The following GMFG variants were observed in gnomAD, a reference collection of about 807,000 sequenced individuals.
The protein encoded by GMFG is glia maturation factor gamma.
Under a neutral mutation model 26.1 loss-of-function variants are expected in GMFG, and 21 were observed. That is an observed-to-expected ratio of 0.80 (90% confidence interval 0.57 to 1.16). The LOEUF (loss-of-function observed/expected upper bound fraction) is 1.16. GMFG is among the 50% of genes most tolerant of loss of function. GMFG has a pLI of 0.00. For missense variants in GMFG, 161 were observed against 178.3 expected, an observed-to-expected ratio of 0.90 and a Z score of 0.55; for synonymous variants, 65 against 60.8, an observed-to-expected ratio of 1.07 and a Z score of -0.32.
intron 3 of GMFG, 73 bp downstream of exon 3, chr19:39,335,188 A>G (rs1384670848): frequency 8.4e-7 from 1 of 1,185,752 alleles, no homozygotes; most frequent in Non-Finnish European, 1.2e-6. Context: ...CAGGCTCTTC[A>G]TATCAGTTCC....
At chr19:39,330,595 ATT>A (rs568367051) in intron 4 of GMFG, among the ~76,000 whole-genome samples, 96 of 131,336 alleles carry the variant, frequency 7.3e-4, no homozygotes, top group African/African-American at 6.9e-4. Context: ...TGCCCAGCTA[ATT>A]TTTTTTTTTT....
intron 4 of GMFG, among the ~76,000 whole-genome samples, chr19:39,330,974 G>A (rs1220109767): frequency 1.3e-5 from 2 of 152,102 alleles, no homozygotes; most frequent in Non-Finnish European, 2.9e-5. Context: ...CTGGCCACAA[G>A]CAGTACTCCC....
At chr19:39,330,359 A>G (rs1392557954) in intron 4 of GMFG, among the ~76,000 whole-genome samples, 1 of 152,176 alleles carries the variant, frequency 6.6e-6, no homozygotes, top group African/African-American at 2.4e-5. Context: ...AATGTGGGGC[A>G]TCTTGTTCAA....
In GMFG at chr19:39,329,638, G is replaced by A. The variant is rs766828327; in HGVS notation, c.201-12C>T. On this transcript the variant is annotated splice_polypyrimidine_tract_variant and intron_variant, in intron 4 of 6. Transcript: ENST00000597595. ...TGTAAACCACGAACCTACCGTGAAA[G>A]GGAATTGAAAATCAGGACTCTGGCC... The A allele has an allele frequency of 1.7e-5, 26 of 1,569,282 alleles. No individual in the cohort carries two copies. The South Asian group carries it at 2.7e-4, about 16-fold the overall frequency.
rs568393664 is a variant in GMFG at position 39,328,881 on chromosome 19, AAAAAACAAAAAC to A, written c.357+107_357+118del. 3.1e-5 allele frequency: 25 copies of A among 818,488 alleles called. 1 individual carries two copies. In the South Asian group the frequency reaches 3.1e-4, roughly 10 times the overall value. 50.7% of individuals were successfully genotyped at this position (818,488 alleles called of 1,614,324 possible). On this transcript the variant is annotated intron_variant, in intron 6 of 6. Coordinates refer to ENST00000597595, the MANE Select transcript of GMFG (RefSeq NM_004877.4). Reference sequence around the variant, plus strand: ...TGACAGAGCGAGACCCAGTTCTTTAAAAAAACAAAAACAAAAACAAAAACCACTGAGACAGTG... The same window carrying A: ...TGACAGAGCGAGACCCAGTTCTTTAAAAAAACAAAAACCACTGAGACAGTG...
chr19:39,334,142 G>A (rs1007091939), intron 3 of GMFG, among the ~76,000 whole-genome samples: 5 of 147,926 alleles, frequency 3.4e-5, no homozygotes, highest in African/African-American at 9.9e-5. Context: ...TCAGCCTCCC[G>A]AGTAGCTGGG....
intron 5 of GMFG, 64 bp from the exon 6 acceptor site, chr19:39,329,137 T>A: frequency 8.6e-7 from 1 of 1,159,502 alleles, no homozygotes; most frequent in Non-Finnish European, 1.3e-6. Context: ...AAAGCTCTAG[T>A]AATGTCCTGA....
At chr19:39,331,386 T>C (rs146412455) in intron 4 of GMFG, among the ~76,000 whole-genome samples, 17 of 152,262 alleles carry the variant, frequency 1.1e-4, no homozygotes, top group Admixed American at 6.5e-4. Flanking sequence ...TTAACCCCCA[T>C]GTGTGAGGCC....
chr19:39,329,452 A>T, intron 5 of GMFG, 92 bp downstream of exon 5: 1 of 762,830 alleles, frequency 1.3e-6, no homozygotes, highest in Non-Finnish European at 2.3e-6. Flanking sequence ...TCACACTCTT[A>T]CACAAGTGCC....
chr19:39,335,325 C>T lies in GMFG; in HGVS notation c.101-15G>A, dbSNP rs1395450851. The T allele has an allele frequency of 1.3e-6, 2 of 1,584,460 alleles. No homozygotes were observed. Among genetic ancestry groups the T allele is most frequent in the South Asian group, 1.2e-5 (1 of 85,910 alleles). On this transcript the variant is annotated splice_polypyrimidine_tract_variant and intron_variant, in intron 2 of 6. Coordinates refer to ENST00000597595, the MANE Select transcript of GMFG (RefSeq NM_004877.4). ...GTCCACCTTCACTGGGGAGGGGTGG[C>T]ACACAGGGATTAGACACTCCCCCTG...
Position 39,336,033 on chromosome 19 carries a change from G to A in GMFG, c.-57C>T. The A allele has an allele frequency of 3.4e-6, 5 of 1,489,058 alleles. No individual in the cohort carries two copies. The highest frequency in any genetic ancestry group is 1.1e-5 in the South Asian group (1 of 88,274). 92.2% of individuals were successfully genotyped at this position (1,489,058 alleles called of 1,614,324 possible). On this transcript the variant is annotated 5_prime_UTR_variant, in exon 1 of 7. Coordinates refer to ENST00000597595, the MANE Select transcript of GMFG (RefSeq NM_004877.4). ...TAGTTCCGCTGTCTTCTAGGCGTGG[G>A]GACCGGGGCTGTAGGGGGGCGGGCT...
chr19:39,329,557 G>A lies in GMFG; in HGVS notation c.270C>T (p.Phe90=). ...GRVSYPLCFI[F]SSPVGCKPEQ... ...GCTGTGTCTCACCCACAGGGCTGGAGAAGATGAAACACAAAGGGTAGGACA... is the reference window on the plus strand; with the variant it reads ...GCTGTGTCTCACCCACAGGGCTGGAAAAGATGAAACACAAAGGGTAGGACA... Residue 90 remains phenylalanine, a synonymous_variant, in exon 5 of 7, where the codon TTC becomes TTT. Coordinates refer to ENST00000597595, the MANE Select transcript of GMFG (RefSeq NM_004877.4). The A allele has an allele frequency of 1.2e-6, 2 of 1,600,338 alleles. No individual in the cohort carries two copies. The highest frequency in any genetic ancestry group is 1.7e-6 in the Non-Finnish European group (2 of 1,167,576).
intron 3 of GMFG, among the ~76,000 whole-genome samples, chr19:39,333,356 G>C (rs1298773359): frequency 6.6e-6 from 1 of 152,138 alleles, no homozygotes; most frequent in Non-Finnish European, 1.5e-5. Context: ...TGAGGCAGGA[G>C]AATTGCTTGA....
At chr19:39,335,176 G>A in intron 3 of GMFG, 85 bp downstream of exon 3, 1 of 1,064,862 alleles carries the variant, frequency 9.4e-7, no homozygotes, top group Admixed American at 2.4e-5. Context: ...CTACCCCCAT[G>A]CCAGGCTCTT....
At chr19:39,329,207 T>C (rs1568332711) in intron 5 of GMFG, 134 bp from the exon 6 acceptor site, 1 of 633,772 alleles carries the variant, frequency 1.6e-6, no homozygotes, top group Non-Finnish European at 2.8e-6. Flanking sequence ...TGCACTGTAC[T>C]CAGTTTCTAG....
intron 3 of GMFG, among the ~76,000 whole-genome samples, chr19:39,334,047 G>C (rs194015): frequency 8.8e-6 from 1 of 113,086 alleles, no homozygotes; most frequent in Non-Finnish European, 1.7e-5. Context: ...TTTTGAGACA[G>C]AGTCTGTCGC....
chr19:39,333,581 CAAAAAAAAAAA>C (rs750367671), intron 3 of GMFG, among the ~76,000 whole-genome samples: 1 of 47,322 alleles, frequency 2.1e-5, no homozygotes, highest in Non-Finnish European at 4.8e-5. Context: ...AACTCCGTCT[CAAAAAAAAAAA>C]AAAAAAAAAG....
At chr19:39,335,393 C>A (rs1436513464) in intron 2 of GMFG, 42 bp downstream of exon 2, 8 of 1,584,200 alleles carry the variant, frequency 5.0e-6, no homozygotes, top group South Asian at 2.2e-5. Context: ...TCTGCCCTCA[C>A]CACCGCCCTC....
rs2075217839 is a variant in GMFG at position 39,329,551 on chromosome 19, G to A, written c.276C>T (p.Ser92=). The A allele has an allele frequency of 1.3e-6, 2 of 1,591,124 alleles. No homozygotes were observed. Among genetic ancestry groups the A allele is most frequent in the East Asian group, 4.5e-5 (2 of 44,770 alleles). ...VSYPLCFIFS[S]PVGCKPEQQM... is the part of the protein sequence containing the mutation. ...AGTAGAGCTGTGTCTCACCCACAGGGCTGGAGAAGATGAAACACAAAGGGT... is the reference window on the plus strand; with the variant it reads ...AGTAGAGCTGTGTCTCACCCACAGGACTGGAGAAGATGAAACACAAAGGGT... Residue 92 remains serine (S), a synonymous_variant, in exon 5 of 7, where the codon AGC becomes AGT. Coordinates refer to ENST00000597595, the MANE Select transcript of GMFG (RefSeq NM_004877.4).
Sources: gnomAD v4.1 joint callset for allele counts (sites outside exome capture counted in the v4.1 genomes callset) on GRCh38, gnomAD v4.1.1 for gene constraint, MANE v1.5 for transcripts, NCBI Gene and HGNC (gene_info 2026-07-23, HGNC 2026-07-21) for gene names.